The following MSI2 variants were observed in gnomAD, a reference collection of about 807,000 sequenced individuals.
MSI2 encodes RNA-binding protein Musashi homolog 2.
A neutral mutation model predicts 45.6 loss-of-function variants in MSI2; 17 were observed. The ratio of observed to expected loss-of-function variants is 0.37; its 90% CI spans 0.26 to 0.56. The LOEUF is 0.56. MSI2 is among the 20% of genes least tolerant of loss of function. The pLI, the probability that MSI2 is intolerant of heterozygous loss-of-function variation, is 0.77. For synonymous variants in MSI2, 156 were observed against 158.2 expected, an observed-to-expected ratio of 0.99 and a Z score of 0.11; for missense variants, 293 against 444.2, an observed-to-expected ratio of 0.66 and a Z score of 3.06.
At chr17:57,610,344 C>T (rs1907120829) in intron 8 of MSI2, among the ~76,000 whole-genome samples, 1 of 152,002 alleles carries the variant, frequency 6.6e-6, no homozygotes, top group Non-Finnish European at 1.5e-5. Flanking sequence ...CCCAGCTACT[C>T]GGGAGACTGA....
intron 5 of MSI2, among the ~76,000 whole-genome samples, chr17:57,272,422 C>A (rs924457925): frequency 6.6e-6 from 1 of 152,176 alleles, no homozygotes; most frequent in East Asian, 1.9e-4. Flanking sequence ...TCAATATTCT[C>A]ATTTCTGAAA....
At chr17:57,277,727 A>G (rs1449480540) in intron 5 of MSI2, among the ~76,000 whole-genome samples, 3 of 152,222 alleles carry the variant, frequency 2.0e-5, no homozygotes, top group African/African-American at 4.8e-5. Flanking sequence ...GGATAATACC[A>G]TATGAGCATC....
intron 6 of MSI2, among the ~76,000 whole-genome samples, chr17:57,442,212 T>C (rs2084813591): frequency 6.6e-6 from 1 of 152,020 alleles, no homozygotes; most frequent in Admixed American, 6.5e-5. Flanking sequence ...AATTTTTGTA[T>C]TTTTAGTTGA....
chr17:57,341,884 T>C (rs563759014), intron 5 of MSI2, among the ~76,000 whole-genome samples: 1 of 152,256 alleles, frequency 6.6e-6, no homozygotes, highest in African/African-American at 2.4e-5. Context: ...CCTCTTTTTT[T>C]CCCCCTTTCT....
chr17:57,408,385 T>C (rs369325056), intron 6 of MSI2, among the ~76,000 whole-genome samples: 2 of 152,168 alleles, frequency 1.3e-5, no homozygotes, highest in African/African-American at 2.4e-5. Flanking sequence ...AACTTTGAGA[T>C]TGTGCTAATC....
rs114067685 is a variant in MSI2, at chr17:57,437,808, G to A, written c.405+36337G>A. ...TAGTATCCTGCTTCTAGTAGCCTGT[G>A]ATAAAGTGCATCTTTTTTCTACTTA... On this transcript the variant is annotated intron_variant, in intron 6 of 13. Coordinates refer to ENST00000284073, the MANE Select transcript of MSI2 (RefSeq NM_138962.4). Among the ~76,000 whole-genome samples the A allele has an allele frequency of 4.9e-3, 752 of 152,166 alleles. 2 individuals are homozygous for A. Among genetic ancestry groups the A allele is most frequent in the African/African-American group, 0.017 (716 of 41,446 alleles).
intron 5 of MSI2, among the ~76,000 whole-genome samples, chr17:57,346,455 G>A (rs1034954647): frequency 3.3e-5 from 5 of 151,942 alleles, no homozygotes; most frequent in Admixed American, 6.6e-5. Flanking sequence ...TGAGCCTTCC[G>A]GGGGTTTGAG....
chr17:57,693,341 C>T, the MSI2 span, among the ~76,000 whole-genome samples: 2 of 152,088 alleles, frequency 1.3e-5, no homozygotes, highest in Non-Finnish European at 2.9e-5. Flanking sequence ...TGCACCACAC[C>T]TGGCGAAATT....
chr17:57,524,678 T>G (rs1470881483), intron 6 of MSI2, among the ~76,000 whole-genome samples: 2 of 152,338 alleles, frequency 1.3e-5, no homozygotes, highest in African/African-American at 4.8e-5. Context: ...TCTTATCATC[T>G]TTTCCATCGT....
At chr17:57,606,871 G>A (rs1020166277) in intron 8 of MSI2, among the ~76,000 whole-genome samples, 1 of 151,014 alleles carries the variant, frequency 6.6e-6, no homozygotes, top group African/African-American at 2.4e-5. Flanking sequence ...AGAGTGTGGG[G>A]AAGGGCTGTG....
At chr17:57,597,466 T>A (rs1444909223) in intron 8 of MSI2, among the ~76,000 whole-genome samples, 2 of 87,136 alleles carry the variant, frequency 2.3e-5, no homozygotes, top group Admixed American at 1.5e-4. Context: ...CCTCATCTCT[T>A]AAAAAAAAAA....
At chr17:57,438,513 C>T (rs1239632614) in intron 6 of MSI2, among the ~76,000 whole-genome samples, 1 of 152,068 alleles carries the variant, frequency 6.6e-6, no homozygotes, top group Non-Finnish European at 1.5e-5. Flanking sequence ...GGAGGCTGGG[C>T]ATGATCACTG....
At chr17:57,625,491 C>G (rs1908715710) in intron 9 of MSI2, 1 of 152,220 alleles carries the variant, frequency 6.6e-6, no homozygotes, top group Admixed American at 6.5e-5. Context: ...TTAGCCCTCA[C>G]TTGCAGGGTC....
chr17:57,678,459 A>G (rs1025305212), intron 13 of MSI2, among the ~76,000 whole-genome samples: 8 of 152,226 alleles, frequency 5.3e-5, no homozygotes, highest in Non-Finnish European at 1.5e-5. Flanking sequence ...TGGTATCACC[A>G]AGAACTCTGG....
At chr17:57,403,437 G>A (rs1194745705) in intron 6 of MSI2, among the ~76,000 whole-genome samples, 6 of 152,170 alleles carry the variant, frequency 3.9e-5, no homozygotes, top group African/African-American at 1.2e-4. Context: ...TTGTCCTTTT[G>A]TCTGAGAAGC....
At chr17:57,326,513 C>A (rs1488388078) in intron 5 of MSI2, among the ~76,000 whole-genome samples, 1 of 152,198 alleles carries the variant, frequency 6.6e-6, no homozygotes, top group Admixed American at 6.5e-5. Flanking sequence ...AACTGTAGGG[C>A]CTTGGACTAT....
chr17:57,589,505 A>G (rs1374607793), intron 7 of MSI2, among the ~76,000 whole-genome samples: 3 of 152,196 alleles, frequency 2.0e-5, no homozygotes, highest in Admixed American at 1.3e-4. Flanking sequence ...CAAACCTGCC[A>G]TAGCTCATGG....
At chr17:57,474,387 G>T (rs1392739659) in intron 6 of MSI2, among the ~76,000 whole-genome samples, 7 of 152,156 alleles carry the variant, frequency 4.6e-5, no homozygotes, top group Non-Finnish European at 7.3e-5. Context: ...TGCAGACCAG[G>T]CTCCAAGCCA....
At chr17:57,551,743 T>C (rs2087310388) in intron 7 of MSI2, among the ~76,000 whole-genome samples, 1 of 152,154 alleles carries the variant, frequency 6.6e-6, no homozygotes, top group South Asian at 2.1e-4. Flanking sequence ...ATATGAGACT[T>C]CTCACTGGGT....
Sources: allele counts gnomAD v4.1 joint callset (sites outside exome capture counted in the v4.1 genomes callset), GRCh38; gene constraint gnomAD v4.1.1; transcripts MANE v1.5; gene names NCBI Gene and HGNC (gene_info 2026-07-23, HGNC 2026-07-21).